Variants in POC1A observed in about 807,000 individuals in gnomAD.
POC1A encodes the protein POC1 centriolar protein A, also known as POC1 centriolar protein homolog A.
A neutral mutation model predicts 47.8 loss-of-function variants in POC1A; 34 were observed. The ratio of observed to expected loss-of-function variants is 0.71; its 90% CI spans 0.54 to 0.95. The LOEUF (loss-of-function observed/expected upper bound fraction) is 0.95. POC1A is among the 40% of genes least tolerant of loss of function. The probability of loss-of-function intolerance (pLI) is 0.00; values close to 1 mark genes in which losing one functional copy is unlikely to be tolerated. For synonymous variants in POC1A, 177 were observed against 207.6 expected, an observed-to-expected ratio of 0.85 and a Z score of 1.27; for missense variants, 466 against 528.3, an observed-to-expected ratio of 0.88 and a Z score of 1.16.
intron 7 of POC1A, among the ~76,000 whole-genome samples, chr3:52,135,298 C>T (rs879380014): frequency 1.3e-5 from 2 of 152,226 alleles, no homozygotes; most frequent in Non-Finnish European, 2.9e-5. Flanking sequence ...GCCAGTGGAC[C>T]CCGTATCTTA....
In POC1A at chr3:52,138,191, A is replaced by G. The variant is rs1167533182; in HGVS notation, c.791T>C (p.Leu264Pro). The G allele has an allele frequency of 1.2e-6, 2 of 1,614,060 alleles. No individual in the cohort carries two copies. The highest frequency in any genetic ancestry group is 1.7e-6 in the Non-Finnish European group (2 of 1,179,978). ...KILDLMEGRL[L>P]YTLHGHQGPA... is the part of the protein sequence containing the mutation. ...CACCTGATGCCCGTGGAGTGTGTAG[A>G]GCAGCCGGCCCTCCATCAGGTCCAG... The change falls in exon 7 of 11, where the codon CTC becomes CCC. Residue 264 changes from leucine (L) to proline (P), a missense_variant. Coordinates refer to ENST00000296484, the MANE Select transcript of POC1A (RefSeq NM_015426.5).
intron 9 of POC1A, among the ~76,000 whole-genome samples, chr3:52,121,776 G>A (rs1703789754): frequency 6.6e-6 from 1 of 152,218 alleles, no homozygotes; most frequent in African/African-American, 2.4e-5. Flanking sequence ...AGCCCAAGCT[G>A]AATATGACCT....
intron 9 of POC1A, among the ~76,000 whole-genome samples, chr3:52,114,027 A>G (rs1277010523): frequency 6.6e-6 from 1 of 152,270 alleles, no homozygotes; most frequent in African/African-American, 2.4e-5. Flanking sequence ...ATCGGGGTGC[A>G]GAGAATTGAG....
chr3:52,086,607 C>G (rs749544455), intron 10 of POC1A, among the ~76,000 whole-genome samples: 1 of 152,222 alleles, frequency 6.6e-6, no homozygotes, highest in Non-Finnish European at 1.5e-5. Flanking sequence ...TGGTGGTGCC[C>G]TTGCTAGCCT....
chr3:52,091,231 G>A (rs537696836), intron 10 of POC1A, among the ~76,000 whole-genome samples: 13 of 152,056 alleles, frequency 8.5e-5, no homozygotes, highest in African/African-American at 1.4e-4. Context: ...AGGGAGAGGC[G>A]TGCGATCTCT....
intron 8 of POC1A, among the ~76,000 whole-genome samples, chr3:52,124,145 G>C (rs995866795): frequency 6.6e-6 from 1 of 152,244 alleles, no homozygotes; most frequent in Non-Finnish European, 1.5e-5. Context: ...CTAAGAGACT[G>C]GGCAGTAGTG....
chr3:52,128,175 G>A (rs935172119), intron 7 of POC1A, among the ~76,000 whole-genome samples: 4 of 152,188 alleles, frequency 2.6e-5, no homozygotes, highest in Non-Finnish European at 4.4e-5. Context: ...CTGAGTGATG[G>A]CAGGTTTCCA....
intron 9 of POC1A, among the ~76,000 whole-genome samples, chr3:52,116,301 G>A (rs1421697370): frequency 6.6e-6 from 1 of 152,224 alleles, no homozygotes; most frequent in Non-Finnish European, 1.5e-5. Context: ...AGCACAGGAG[G>A]TGGCTGGTGC....
intron 9 of POC1A, among the ~76,000 whole-genome samples, chr3:52,117,309 C>T (rs980237356): frequency 1.1e-4 from 16 of 151,938 alleles, no homozygotes; most frequent in South Asian, 4.2e-4. Flanking sequence ...GCCACAATTG[C>T]GCCACTGTAG....
At chr3:52,154,032 G>C (rs1295224506) in intron 1 of POC1A, among the ~76,000 whole-genome samples, 1 of 152,262 alleles carries the variant, frequency 6.6e-6, no homozygotes, top group East Asian at 1.9e-4. Context: ...TAAGGACGTG[G>C]AGAATGGCTA....
intron 8 of POC1A, among the ~76,000 whole-genome samples, chr3:52,122,713 C>G (rs796627351): frequency 6.6e-6 from 1 of 152,246 alleles, no homozygotes; most frequent in Non-Finnish European, 1.5e-5. Flanking sequence ...CGGCGTGGCA[C>G]CGCCAGGCCT....
chr3:52,137,043 T>G (rs921158469), intron 7 of POC1A, among the ~76,000 whole-genome samples: 1 of 152,164 alleles, frequency 6.6e-6, no homozygotes, highest in Admixed American at 6.5e-5. Flanking sequence ...ATAACTTGCT[T>G]GTCCAGGGGC....
At position 52,075,916 on chromosome 3, in the gene POC1A, G is replaced by C; in HGVS notation, c.1195C>G (p.Gln399Glu). ...GGTGTTGCTCTCTGCATGATTAGCT[G>C]CTGGTTCTCCAGACACTGCTTCAGC... is the stretch of plus-strand genomic sequence containing the variant. Reference protein sequence around the residue: ...DKLKQCLENQQLIMQRATP With the variant: ...DKLKQCLENQELIMQRATP Residue 399 changes from glutamine to glutamate, a missense_variant, in exon 11 of 11, where the codon CAG becomes GAG. By Grantham distance (29) the Gln-to-Glu change is conservative (BLOSUM62 2). Transcript: ENST00000296484. 1 of 1,613,796 alleles carries C rather than the reference G, an allele frequency of 6.2e-7. No individual in the cohort carries two copies. The highest frequency in any genetic ancestry group is 8.5e-7 in the Non-Finnish European group (1 of 1,179,714).
intron 9 of POC1A, among the ~76,000 whole-genome samples, chr3:52,107,653 G>A (rs1703235631): frequency 6.6e-6 from 1 of 152,224 alleles, no homozygotes; most frequent in African/African-American, 2.4e-5. Flanking sequence ...CTGAACCGAG[G>A]TACCCTGGTA....
At chr3:52,124,261 C>T (rs1379325716) in intron 8 of POC1A, among the ~76,000 whole-genome samples, 4 of 152,188 alleles carry the variant, frequency 2.6e-5, no homozygotes, top group African/African-American at 4.8e-5. Flanking sequence ...GAGGACCATG[C>T]GGACACTGGA....
chr3:52,111,832 C>T (rs1455693353), intron 9 of POC1A, among the ~76,000 whole-genome samples: 1 of 152,022 alleles, frequency 6.6e-6, no homozygotes, highest in African/African-American at 2.4e-5. Context: ...TCCACATGTG[C>T]AGGGTGAGAA....
chr3:52,149,251 C>G lies in POC1A; in HGVS notation c.414G>C (p.Leu138=). The stretch of plus-strand genomic sequence containing the variant: ...AGTTGATATGCTGGCTCAGGGAGAA[C>G]AGGAATTTCTGGCGATGAGTTGCCC... ...KVWATHRQKF[L]FSLSQHINWV... The change falls in exon 4 of 11, where the codon CTG becomes CTC. Residue 138 remains leucine, a synonymous_variant. Coordinates refer to ENST00000296484, the MANE Select transcript of POC1A (RefSeq NM_015426.5). 1 of 1,614,136 alleles carries G rather than the reference C, an allele frequency of 6.2e-7. No homozygotes were observed. Among genetic ancestry groups the G allele is most frequent in the Non-Finnish European group, 8.5e-7 (1 of 1,180,028 alleles).
At chr3:52,114,526 T>C (rs1031128895) in intron 9 of POC1A, among the ~76,000 whole-genome samples, 1 of 152,172 alleles carries the variant, frequency 6.6e-6, no homozygotes, top group South Asian at 2.1e-4. Context: ...GGGGTGAGGA[T>C]GCTGGGCTCC....
chr3:52,122,858 C>T (rs1703841110), intron 8 of POC1A, among the ~76,000 whole-genome samples: 3 of 152,394 alleles, frequency 2.0e-5, no homozygotes, highest in Admixed American at 1.3e-4. Flanking sequence ...TATCATAGCC[C>T]TCTATTTATT....
Sources: allele counts gnomAD v4.1 joint callset (sites outside exome capture counted in the v4.1 genomes callset), GRCh38; gene constraint gnomAD v4.1.1; transcripts MANE v1.5; gene names NCBI Gene and HGNC (gene_info 2026-07-23, HGNC 2026-07-21).